Variants in SLC4A10 observed in about 807,000 individuals in gnomAD.
The protein encoded by SLC4A10 is solute carrier family 4 member 10.
SLC4A10 carries 42 observed loss-of-function variants against 137.7 expected under a neutral mutation model. The observed-to-expected ratio is 0.30, with a 90% CI of 0.24 to 0.39. The LOEUF is 0.39. Ranked by LOEUF, SLC4A10 falls within the 10% of genes least tolerant of loss-of-function variation. SLC4A10 has a pLI of 1.00. For missense variants in SLC4A10, 925 were observed against 1,355.0 expected, an observed-to-expected ratio of 0.68 and a Z score of 4.98; for synonymous variants, 474 against 464.1, an observed-to-expected ratio of 1.02 and a Z score of -0.27.
intron 1 of SLC4A10, among the ~76,000 whole-genome samples, chr2:161,632,229 A>G (rs941326967): frequency 1.2e-4 from 18 of 151,756 alleles, no homozygotes; most frequent in African/African-American, 4.3e-4. Context: ...AAGTAGGTAT[A>G]TAACAACTAC....
intron 10 of SLC4A10, among the ~76,000 whole-genome samples, chr2:161,883,543 C>T (rs1343234802): frequency 2.6e-5 from 4 of 152,120 alleles, no homozygotes; most frequent in African/African-American, 4.8e-5. Flanking sequence ...TAGTTTACAA[C>T]GACTGCCATA....
intron 15 of SLC4A10, among the ~76,000 whole-genome samples, chr2:161,933,099 C>T (rs756515965): frequency 6.0e-5 from 9 of 149,626 alleles, no homozygotes; most frequent in Non-Finnish European, 7.4e-5. Flanking sequence ...ATATATGCCA[C>T]TTATCTTTCT....
At chr2:161,923,291 A>C (rs1325037424) in intron 15 of SLC4A10, among the ~76,000 whole-genome samples, 1 of 152,212 alleles carries the variant, frequency 6.6e-6, no homozygotes, top group South Asian at 2.1e-4. Context: ...CAGCACCACA[A>C]GTGAAAATTA....
At chr2:161,842,075 A>G (rs1483077659) in intron 4 of SLC4A10, among the ~76,000 whole-genome samples, 2 of 152,094 alleles carry the variant, frequency 1.3e-5, no homozygotes, top group Non-Finnish European at 2.9e-5. Context: ...TCATTTATTT[A>G]TTTATCAGTT....
chr2:161,814,455 T>A (rs2056859736), intron 3 of SLC4A10, among the ~76,000 whole-genome samples: 1 of 152,080 alleles, frequency 6.6e-6, no homozygotes, highest in Admixed American at 6.6e-5. Context: ...TGAATCATTC[T>A]ATCAAAAGGC....
At chr2:161,935,678 A>G (rs1397357026) in intron 15 of SLC4A10, among the ~76,000 whole-genome samples, 1 of 151,994 alleles carries the variant, frequency 6.6e-6, no homozygotes, top group Non-Finnish European at 1.5e-5. Context: ...TTTATTTTTC[A>G]GATAGTTTGT....
chr2:161,672,511 T>A lies in SLC4A10; in HGVS notation c.48+47945T>A, dbSNP rs1397254795. ...GTAACAAGACCCTGTCTAAAAAAAA[T>A]TTTTTTTTTTTTTAATTTAGAGACC... On this transcript the variant is annotated intron_variant, in intron 1 of 26. Transcript: ENST00000446997. 8.2e-5 allele frequency among the ~76,000 whole-genome samples: 10 copies of A among 122,120 alleles called. No individual in the cohort carries two copies. In the South Asian group the frequency reaches 1.1e-3, roughly 13 times the overall value. The allele number at this position is 122,120 out of a possible 152,430, so 80.1% of individuals were successfully genotyped here.
intron 1 of SLC4A10, among the ~76,000 whole-genome samples, chr2:161,664,036 T>G (rs1206621584): frequency 2.6e-5 from 4 of 152,070 alleles, no homozygotes; most frequent in African/African-American, 9.6e-5. Flanking sequence ...AGTTTTGCTT[T>G]AGATTCACAC....
At chr2:161,776,486 A>G (rs1051262472) in intron 2 of SLC4A10, among the ~76,000 whole-genome samples, 1 of 151,852 alleles carries the variant, frequency 6.6e-6, no homozygotes, top group Non-Finnish European at 1.5e-5. Context: ...GACATATTTT[A>G]TTTAGTATAT....
chr2:161,931,356 G>A (rs1056644556), intron 15 of SLC4A10: 5 of 152,202 alleles, frequency 3.3e-5, no homozygotes, highest in African/African-American at 7.2e-5. Flanking sequence ...ATACCTATAC[G>A]TTTCATCCAG....
At chr2:161,937,313 A>C (rs1339215359) in intron 15 of SLC4A10, among the ~76,000 whole-genome samples, 5 of 152,198 alleles carry the variant, frequency 3.3e-5, no homozygotes, top group Non-Finnish European at 1.5e-5. Context: ...TTATTTTAAT[A>C]TGCAATATAC....
At chr2:161,933,834 G>A (rs891044934) in intron 15 of SLC4A10, among the ~76,000 whole-genome samples, 2 of 152,046 alleles carry the variant, frequency 1.3e-5, no homozygotes, top group Non-Finnish European at 2.9e-5. Flanking sequence ...TTACCTTTGG[G>A]TACATATCCA....
intron 1 of SLC4A10, among the ~76,000 whole-genome samples, chr2:161,650,411 G>T (rs1313391988): frequency 6.6e-6 from 1 of 152,254 alleles, no homozygotes; most frequent in Non-Finnish European, 1.5e-5. Flanking sequence ...CTGCAGCGGC[G>T]GAGGCCTGGC....
intron 15 of SLC4A10, among the ~76,000 whole-genome samples, chr2:161,938,167 A>G (rs1201779619): frequency 6.6e-6 from 1 of 152,148 alleles, no homozygotes; most frequent in African/African-American, 2.4e-5. Context: ...GCTATTCGGG[A>G]GGCTGAGGCA....
chr2:161,694,864 T>C (rs1399958889), intron 1 of SLC4A10, among the ~76,000 whole-genome samples: 1 of 152,030 alleles, frequency 6.6e-6, no homozygotes, highest in Non-Finnish European at 1.5e-5. Flanking sequence ...GTTAATGATA[T>C]TGAGATAGAT....
At chr2:161,955,831 A>T (rs1361386817) in intron 19 of SLC4A10, among the ~76,000 whole-genome samples, 1 of 152,194 alleles carries the variant, frequency 6.6e-6, no homozygotes, top group African/African-American at 2.4e-5. Flanking sequence ...TCCTAGAAGA[A>T]TTGGTAATTT....
chr2:161,696,891 A>G (rs1158827531), intron 1 of SLC4A10, among the ~76,000 whole-genome samples: 1 of 152,218 alleles, frequency 6.6e-6, no homozygotes, highest in Non-Finnish European at 1.5e-5. Context: ...ACTGTCTTCC[A>G]CAATGGTTGA....
At chr2:161,965,297 C>T (rs1697391157) in intron 23 of SLC4A10, 124 bp downstream of exon 23, 1 of 864,818 alleles carries the variant, frequency 1.2e-6, no homozygotes, top group Non-Finnish European at 1.7e-6. Context: ...CACTAACAAC[C>T]ACAAGTAGAC....
chr2:161,652,742 A>G (rs1041068367), intron 1 of SLC4A10, among the ~76,000 whole-genome samples: 14 of 150,956 alleles, frequency 9.3e-5, no homozygotes, highest in African/African-American at 3.4e-4. Flanking sequence ...TTGATCAGCA[A>G]CTTTCCATTT....
Sources: gnomAD v4.1 joint callset for allele counts (sites outside exome capture counted in the v4.1 genomes callset) on GRCh38, gnomAD v4.1.1 for gene constraint, MANE v1.5 for transcripts, NCBI Gene and HGNC (gene_info 2026-07-23, HGNC 2026-07-21) for gene names.